Variants in SGCD observed in about 807,000 individuals in gnomAD.
The protein encoded by SGCD is sarcoglycan delta.
In SGCD, 18 loss-of-function variants were observed where a neutral mutation model predicts 36.6. That is an observed-to-expected ratio of 0.49 (90% confidence interval 0.34 to 0.73). The LOEUF (loss-of-function observed/expected upper bound fraction) is 0.73. Among genes scored for constraint, SGCD ranks in the 30% least tolerant of loss-of-function variants. The pLI, the probability that SGCD is intolerant of heterozygous loss-of-function variation, is 0.01. For missense variants in SGCD, 387 were observed against 346.7 expected (o/e 1.12, Z -0.92); for synonymous variants, 133 against 130.6 (o/e 1.02, Z -0.12).
chr5:156,681,788 T>G (rs952039323), intron 7 of SGCD, among the ~76,000 whole-genome samples: 1 of 152,246 alleles, frequency 6.6e-6, no homozygotes, highest in Non-Finnish European at 1.5e-5. Flanking sequence ...ATAGTCATCA[T>G]TAGAATGGTT....
intron 7 of SGCD, among the ~76,000 whole-genome samples, chr5:156,746,285 A>ATCTC (rs560962825): frequency 1.3e-4 from 20 of 152,302 alleles, no homozygotes; most frequent in Non-Finnish European, 2.5e-4. Flanking sequence ...TATAGCCAAA[A>ATCTC]TCTCTCTCAC....
intron 3 of SGCD, among the ~76,000 whole-genome samples, chr5:156,433,283 ATC>A (rs1753102199): frequency 6.6e-6 from 1 of 152,110 alleles, no homozygotes; most frequent in Non-Finnish European, 1.5e-5. Flanking sequence ...CTGAAATGGC[ATC>A]TCTCTAGTAA....
At chr5:155,778,699 A>T in the SGCD span, among the ~76,000 whole-genome samples, 4 of 152,052 alleles carry the variant, frequency 2.6e-5, no homozygotes, top group African/African-American at 9.7e-5. Flanking sequence ...TATATTCTAA[A>T]ATTGCTTTTA....
chr5:155,766,965 G>C, the SGCD span, among the ~76,000 whole-genome samples: 4 of 152,152 alleles, frequency 2.6e-5, no homozygotes, highest in South Asian at 8.3e-4. Context: ...TGCTCTCCCA[G>C]GCTTCTTCTC....
At chr5:156,719,946 T>C (rs1755413850) in intron 7 of SGCD, among the ~76,000 whole-genome samples, 2 of 152,102 alleles carry the variant, frequency 1.3e-5, no homozygotes, top group Non-Finnish European at 2.9e-5. Flanking sequence ...AATCTCCTTT[T>C]ACCAAAGACT....
chr5:155,851,563 G>A, the SGCD span, among the ~76,000 whole-genome samples: 1 of 152,158 alleles, frequency 6.6e-6, no homozygotes, highest in African/African-American at 2.4e-5. Flanking sequence ...ACTTTTGATA[G>A]TTTTGGGTTT....
At chr5:156,435,727 T>G in intron 3 of SGCD, among the ~76,000 whole-genome samples, 1 of 152,304 alleles carries the variant, frequency 6.6e-6, no homozygotes, top group East Asian at 1.9e-4. Context: ...CATGGGCTAC[T>G]AACTGTTTAA....
chr5:156,145,282 C>A (rs1296900584), intron 3 of SGCD, among the ~76,000 whole-genome samples: 2 of 152,152 alleles, frequency 1.3e-5, no homozygotes, highest in African/African-American at 4.8e-5. Context: ...GTTCTGGCTC[C>A]CCCTTCTCCT....
At chr5:156,611,618 T>C (rs1188565173) in intron 6 of SGCD, among the ~76,000 whole-genome samples, 1 of 152,238 alleles carries the variant, frequency 6.6e-6, no homozygotes, top group Non-Finnish European at 1.5e-5. Context: ...TTTTGCTTCC[T>C]GGATCTTTGT....
chr5:156,108,328 T>G (rs73813235), intron 1 of SGCD, among the ~76,000 whole-genome samples: 1,904 of 152,214 alleles, frequency 0.013, 36 homozygotes, highest in African/African-American at 0.044. Context: ...GATTTAACAG[T>G]TTTTGCTGTA....
At chr5:156,569,606 C>CAA (rs11364707) in intron 4 of SGCD, among the ~76,000 whole-genome samples, 4,438 of 124,526 alleles carry the variant, frequency 0.036, 236 homozygotes, top group African/African-American at 0.13. Flanking sequence ...GACCCTGTCT[C>CAA]AAAAAAAAAA....
chr5:156,746,226 A>T (rs1756931146), intron 7 of SGCD, among the ~76,000 whole-genome samples: 1 of 152,130 alleles, frequency 6.6e-6, no homozygotes, highest in Non-Finnish European at 1.5e-5. Context: ...GTGAAAGAAT[A>T]GTAACTTTAA....
At chr5:156,474,205 C>T (rs1396222611) in intron 3 of SGCD, among the ~76,000 whole-genome samples, 1 of 151,952 alleles carries the variant, frequency 6.6e-6, no homozygotes, top group African/African-American at 2.4e-5. Context: ...CAGGACAGTC[C>T]CCATGAAAAA....
intron 6 of SGCD, among the ~76,000 whole-genome samples, chr5:156,601,177 T>C (rs1761175822): frequency 6.6e-6 from 1 of 152,224 alleles, no homozygotes; most frequent in Non-Finnish European, 1.5e-5. Flanking sequence ...CTTTGTTGCC[T>C]GTACTTTTGA....
intron 1 of SGCD, among the ~76,000 whole-genome samples, chr5:155,906,872 G>A (rs903297019): frequency 8.6e-6 from 1 of 116,654 alleles, no homozygotes; most frequent in African/African-American, 2.8e-5. Context: ...CATTGATGAA[G>A]GTGGCTACAT....
intron 7 of SGCD, among the ~76,000 whole-genome samples, chr5:156,735,180 G>T (rs1561884897): frequency 6.6e-6 from 1 of 152,126 alleles, no homozygotes; most frequent in African/African-American, 2.4e-5. Flanking sequence ...TCTTTCTCTG[G>T]GAGCTCCATC....
At chr5:156,318,569 C>G (rs1767575942) in intron 3 of SGCD, among the ~76,000 whole-genome samples, 1 of 151,402 alleles carries the variant, frequency 6.6e-6, no homozygotes, top group Non-Finnish European at 1.5e-5. Flanking sequence ...GCTCTCATTC[C>G]TTCTATGCAT....
At chr5:156,367,764 G>A (rs1318485900) in intron 3 of SGCD, among the ~76,000 whole-genome samples, 2 of 152,198 alleles carry the variant, frequency 1.3e-5, no homozygotes, top group Non-Finnish European at 2.9e-5. Flanking sequence ...CAGCCTCGCT[G>A]ATGACTATGC....
At chr5:156,144,022 A>G (rs1229328868) in intron 3 of SGCD, among the ~76,000 whole-genome samples, 1 of 151,734 alleles carries the variant, frequency 6.6e-6, no homozygotes, top group Non-Finnish European at 1.5e-5. Flanking sequence ...TTTGCTGAGA[A>G]TGATGGTTTC....
Sources: gnomAD v4.1 joint callset for allele counts (sites outside exome capture counted in the v4.1 genomes callset) on GRCh38, gnomAD v4.1.1 for gene constraint, MANE v1.5 for transcripts, NCBI Gene and HGNC (gene_info 2026-07-23, HGNC 2026-07-21) for gene names.